Variants in ARHGEF37 observed in about 807,000 individuals in gnomAD.
The protein encoded by ARHGEF37 is Rho guanine nucleotide exchange factor (GEF) 37.
In ARHGEF37, 55 loss-of-function variants were observed where a neutral mutation model predicts 71.1. The ratio of observed to expected loss-of-function variants is 0.77; its 90% CI spans 0.62 to 0.97. The LOEUF (loss-of-function observed/expected upper bound fraction) is 0.97, where lower values mean the gene tolerates loss of function less well. Among genes scored for constraint, ARHGEF37 ranks in the 50% least tolerant of loss-of-function variants. The pLI is 0.00. For synonymous variants in ARHGEF37, 327 were observed against 350.6 expected (o/e 0.93, Z 0.75); for missense variants, 765 against 836.8 (o/e 0.91, Z 1.06).
intron 1 of ARHGEF37, among the ~76,000 whole-genome samples, chr5:149,596,546 T>G (rs1179859764): frequency 6.6e-6 from 1 of 152,110 alleles, no homozygotes; most frequent in Non-Finnish European, 1.5e-5. Context: ...CTCAGGTGGT[T>G]TGCCCACCTC....
intron 1 of ARHGEF37, among the ~76,000 whole-genome samples, chr5:149,566,884 T>C (rs1466700505): frequency 2.6e-5 from 4 of 152,224 alleles, no homozygotes; most frequent in African/African-American, 9.6e-5. Flanking sequence ...TATATAATCA[T>C]GTCACTTATT....
Position 149,627,115 on chromosome 5 carries a change from C to T in ARHGEF37, c.1504C>T (p.Leu502=). The T allele has an allele frequency of 1.9e-6, 3 of 1,614,126 alleles. No individual in the cohort carries two copies. Among genetic ancestry groups the T allele is most frequent in the Non-Finnish European group, 2.5e-6 (3 of 1,180,018 alleles). The change falls in exon 11 of 13, where the codon CTG becomes TTG. Residue 502 remains leucine, a synonymous_variant. Transcript: ENST00000333677. The stretch of plus-strand genomic sequence containing the variant: ...GTCTGAACGCCAGGTGCAGGCTCTC[C>T]TGAGCAGGTATGGCCCTGGGAAGCT... The part of the protein sequence containing the change: ...PGSERQVQAL[L]SRYGPGKLYQ...
intron 1 of ARHGEF37, among the ~76,000 whole-genome samples, chr5:149,591,875 A>G (rs1580898396): frequency 6.6e-6 from 1 of 152,216 alleles, no homozygotes; most frequent in South Asian, 2.1e-4. Context: ...AGGCTAAGCT[A>G]TGATGTTCAC....
At chr5:149,617,226 GC>G (rs1308424432) in intron 5 of ARHGEF37, among the ~76,000 whole-genome samples, 1 of 152,164 alleles carries the variant, frequency 6.6e-6, no homozygotes, top group Non-Finnish European at 1.5e-5. Context: ...AATCACTGTT[GC>G]CAGGGGTTTG....
In ARHGEF37 at chr5:149,600,768, T is replaced by C. The variant is rs142288450; in HGVS notation, c.187-340T>C. 1.2e-3 allele frequency among the ~76,000 whole-genome samples: 182 copies of C among 151,566 alleles called. 3 individuals carry two copies. In the East Asian group the frequency reaches 0.024, roughly 20 times the overall value. ...CAATTGTCTACCTCAGCCTCCCGAG[T>C]AGCTGGGATTACAAGCACCCACCAC... On this transcript the variant is annotated intron_variant, in intron 2 of 12. Transcript: ENST00000333677.
intron 1 of ARHGEF37, among the ~76,000 whole-genome samples, chr5:149,565,096 T>A (rs1421241174): frequency 1.3e-5 from 2 of 152,142 alleles, no homozygotes; most frequent in Non-Finnish European, 2.9e-5. Flanking sequence ...CAGGCAAGTG[T>A]TAGGAGATTG....
At chr5:149,596,101 C>G (rs938628132) in intron 1 of ARHGEF37, among the ~76,000 whole-genome samples, 1 of 152,108 alleles carries the variant, frequency 6.6e-6, no homozygotes, top group African/African-American at 2.4e-5. Flanking sequence ...CTTACCCACC[C>G]CTCTACTTTG....
chr5:149,608,249 T>A (rs1295632248), intron 3 of ARHGEF37, among the ~76,000 whole-genome samples: 1 of 150,576 alleles, frequency 6.6e-6, no homozygotes, highest in Non-Finnish European at 1.5e-5. Context: ...TGGCTTAGCT[T>A]GTGCTCAGAG....
intron 1 of ARHGEF37, among the ~76,000 whole-genome samples, chr5:149,573,059 A>G (rs1214508333): frequency 6.6e-6 from 1 of 152,204 alleles, no homozygotes; most frequent in Non-Finnish European, 1.5e-5. Context: ...GACACATGCA[A>G]AGAGAGAAAA....
upstream of ARHGEF37, among the ~76,000 whole-genome samples, chr5:149,577,768 T>C (rs10463290): frequency 0.63 from 95,152 of 152,176 alleles, 32,258 homozygotes; most frequent in East Asian, 0.99. Context: ...TGCCCAGCCT[T>C]CATGTTACCA....
intron 3 of ARHGEF37, among the ~76,000 whole-genome samples, chr5:149,605,882 GC>G (rs1561798583): frequency 6.6e-6 from 1 of 152,124 alleles, no homozygotes; most frequent in East Asian, 1.9e-4. Flanking sequence ...TGACCATGCT[GC>G]CTCCCTTTCT....
intron 10 of ARHGEF37, among the ~76,000 whole-genome samples, chr5:149,625,894 G>C (rs532592859): frequency 6.6e-6 from 1 of 152,126 alleles, no homozygotes; most frequent in Non-Finnish European, 1.5e-5. Flanking sequence ...CTCCTTGGGG[G>C]CCCTCCCAGG....
chr5:149,631,805 T>C (rs1752891649), intron 12 of ARHGEF37, among the ~76,000 whole-genome samples, 177 bp from the exon 13 acceptor site: 1 of 152,230 alleles, frequency 6.6e-6, no homozygotes, highest in African/African-American at 2.4e-5. Flanking sequence ...GTATGGGCTG[T>C]GGTACTAGCA....
chr5:149,562,716 G>C (rs553422219), intron 1 of ARHGEF37, among the ~76,000 whole-genome samples: 8 of 152,096 alleles, frequency 5.3e-5, no homozygotes, highest in Non-Finnish European at 1.0e-4. Context: ...AAAGCGCTGG[G>C]ATTACAGGCG....
chr5:149,562,557 C>T (rs1411953414), intron 1 of ARHGEF37, among the ~76,000 whole-genome samples: 1 of 152,194 alleles, frequency 6.6e-6, no homozygotes, highest in Non-Finnish European at 1.5e-5. Flanking sequence ...ATCCTCCTGC[C>T]TCAACCTCCC....
Position 149,634,249 on chromosome 5 carries a change from T to C in ARHGEF37, c.*2058T>C, listed in dbSNP as rs1308781469. The C allele has an allele frequency of 6.6e-6, 1 of 152,190 alleles. No individual in the cohort carries two copies. Among genetic ancestry groups the C allele is most frequent in the Non-Finnish European group, 1.5e-5 (1 of 68,046 alleles). 9.4% of individuals were successfully genotyped at this position (152,190 alleles called of 1,614,324 possible). ...GACCTCTACCCTAGACACAAAGTAT[T>C]GGACAGATAGACCTGGTGCCAGAGA... is the stretch of plus-strand genomic sequence containing the variant. On this transcript the variant is annotated 3_prime_UTR_variant, in exon 13 of 13. Transcript: ENST00000333677.
chr5:149,586,032 T>C (rs1288619081), intron 1 of ARHGEF37, among the ~76,000 whole-genome samples: 1 of 152,190 alleles, frequency 6.6e-6, no homozygotes, highest in Non-Finnish European at 1.5e-5. Flanking sequence ...ACCAACTAAA[T>C]GCTAGATCTA....
At chr5:149,615,856 C>T (rs527548105) in intron 4 of ARHGEF37, among the ~76,000 whole-genome samples, 1 of 152,296 alleles carries the variant, frequency 6.6e-6, no homozygotes, top group Admixed American at 6.5e-5. Context: ...CGCACCACTG[C>T]ACTCCAGCCT....
upstream of ARHGEF37, among the ~76,000 whole-genome samples, chr5:149,578,722 T>G (rs1220678644): frequency 5.9e-5 from 9 of 152,228 alleles, no homozygotes; most frequent in Admixed American, 1.3e-4. Context: ...TTCTTTGGAT[T>G]AGTGTCACCG....
Sources: gnomAD v4.1 joint callset for allele counts (sites outside exome capture counted in the v4.1 genomes callset) on GRCh38, gnomAD v4.1.1 for gene constraint, MANE v1.5 for transcripts, NCBI Gene and HGNC (gene_info 2026-07-23, HGNC 2026-07-21) for gene names.